The following OR9Q1 variants were observed in gnomAD, a reference collection of about 807,000 sequenced individuals.
The protein encoded by OR9Q1 is olfactory receptor family 9 subfamily Q member 1.
For synonymous variants in OR9Q1, 153 were observed against 148.6 expected (o/e 1.03, Z -0.22); for missense variants, 374 against 378.8 (o/e 0.99, Z 0.11).
chr11:58,098,215 A>C (rs1372628076), intron 2 of OR9Q1, among the ~76,000 whole-genome samples: 1 of 152,074 alleles, frequency 6.6e-6, no homozygotes, highest in Non-Finnish European at 1.5e-5. Flanking sequence ...CGTCGTGGGG[A>C]TGGAGTGGGA....
chr11:58,117,058 TTGG>T (rs1476850809), intron 2 of OR9Q1: 1 of 152,198 alleles, frequency 6.6e-6, no homozygotes, highest in Non-Finnish European at 1.5e-5. Flanking sequence ...TCATCATTGG[TTGG>T]TGATCTATTT....
intron 2 of OR9Q1, among the ~76,000 whole-genome samples, chr11:58,101,880 G>A (rs1466265311): frequency 6.6e-6 from 1 of 152,218 alleles, no homozygotes; most frequent in Admixed American, 6.5e-5. Flanking sequence ...CCGAGTAGCT[G>A]GGATTACAGG....
At chr11:58,111,579 T>C (rs1283551881) in intron 2 of OR9Q1, among the ~76,000 whole-genome samples, 1 of 152,190 alleles carries the variant, frequency 6.6e-6, no homozygotes, top group Non-Finnish European at 1.5e-5. Flanking sequence ...AGCTGCTTTT[T>C]TGGAGTGGCC....
rs1295190058 is a variant in OR9Q1 at position 58,181,338 on chromosome 11, G to C, written c.*961G>C. On this transcript the variant is annotated 3_prime_UTR_variant, in exon 3 of 3. Transcript: ENST00000335397. ...ATTCCACATGGCGATAGGCAGGAGG[G>C]TGGTCCTCGCCTATCCTGGGTCCCT... The C allele has an allele frequency of 6.0e-6, 1 of 166,942 alleles. No individual in the cohort carries two copies. Among genetic ancestry groups the C allele is most frequent in the African/African-American group, 2.4e-5 (1 of 41,392 alleles). The allele number at this position is 166,942 out of a possible 1,614,324, so 10.3% of individuals were successfully genotyped here.
At chr11:58,124,009 C>A (rs1305302153) in intron 2 of OR9Q1, among the ~76,000 whole-genome samples, 2 of 152,100 alleles carry the variant, frequency 1.3e-5, no homozygotes, top group Non-Finnish European at 2.9e-5. Context: ...AATATAGTAA[C>A]GATTCTTGAA....
rs147024855 is a variant in OR9Q1 at position 58,177,907 on chromosome 11, C to T, written c.-14-1524C>T. On this transcript the variant is annotated intron_variant, in intron 2 of 2. Coordinates refer to ENST00000335397, the MANE Select transcript of OR9Q1 (RefSeq NM_001005212.4). Reference sequence around the variant, plus strand: ...GGAGAGAACTTTCCTGTAGAAAGTGCGATCTGGGTTGAGGTTTGAAGGTAG... The same window carrying T: ...GGAGAGAACTTTCCTGTAGAAAGTGTGATCTGGGTTGAGGTTTGAAGGTAG... Among the ~76,000 whole-genome samples, 21 of 152,192 alleles carry T rather than the reference C, an allele frequency of 1.4e-4. No homozygotes were observed. The East Asian group carries it at 2.7e-3, about 20-fold the overall frequency.
chr11:58,069,650 A>C (rs1322556769), intron 2 of OR9Q1, among the ~76,000 whole-genome samples: 1 of 152,072 alleles, frequency 6.6e-6, no homozygotes, highest in African/African-American at 2.4e-5. Flanking sequence ...GAAGCACGAG[A>C]ATTGCTTGAG....
At chr11:58,143,890 T>C (rs185313888) in intron 2 of OR9Q1, among the ~76,000 whole-genome samples, 4 of 152,180 alleles carry the variant, frequency 2.6e-5, no homozygotes, top group African/African-American at 9.6e-5. Context: ...AAAAACAATA[T>C]GTGCTTCGAA....
chr11:58,034,147 G>A (rs989591871), intron 1 of OR9Q1, among the ~76,000 whole-genome samples: 21 of 145,460 alleles, frequency 1.4e-4, no homozygotes, highest in Non-Finnish European at 2.4e-4. Context: ...GTGCGGTGGC[G>A]TGATCTCGGC....
chr11:58,165,424 C>G (rs1485638393), intron 2 of OR9Q1, among the ~76,000 whole-genome samples: 2 of 152,210 alleles, frequency 1.3e-5, no homozygotes, highest in African/African-American at 4.8e-5. Flanking sequence ...CAGTCTCTCC[C>G]ACATTCAGAG....
chr11:58,134,065 A>T (rs1391160852), intron 2 of OR9Q1, among the ~76,000 whole-genome samples: 1 of 152,176 alleles, frequency 6.6e-6, no homozygotes, highest in Non-Finnish European at 1.5e-5. Context: ...TCTCATTTAG[A>T]AGCTGATTGG....
In OR9Q1 at chr11:58,103,515, T is replaced by C. The variant is rs376478490; in HGVS notation, c.-15+47568T>C. On this transcript the variant is annotated intron_variant, in intron 2 of 2. Transcript: ENST00000335397. ...TTATTTTCCTGATTTTGTTGAATTA[T>C]ATATTTATATTTTCTTGTATCTCAC... is the stretch of plus-strand genomic sequence containing the variant. Among the ~76,000 whole-genome samples the C allele has an allele frequency of 4.1e-4, 62 of 152,330 alleles. 1 individual carries two copies. The South Asian group carries it at 0.011, about 26-fold the overall frequency.
At chr11:58,027,602 G>C (rs77778978) in intron 1 of OR9Q1, among the ~76,000 whole-genome samples, 2,279 of 152,240 alleles carry the variant, frequency 0.015, 47 homozygotes, top group Middle Eastern at 0.051. Context: ...AGGAAGAAGT[G>C]AGTCGTTTTC....
rs141999714 is a variant in OR9Q1, at chr11:58,085,994, T to A, written c.-15+30047T>A. 1.2e-3 allele frequency among the ~76,000 whole-genome samples: 183 copies of A among 151,976 alleles called. 7 individuals carry two copies. The highest frequency in any genetic ancestry group is 4.2e-3 in the African/African-American group (175 of 41,312). ...GCAGACTTGCTTGGCTACAGCTCTG[T>A]TTGGTCTTGAACCTGCTATTGAAAC... is the stretch of plus-strand genomic sequence containing the variant. On this transcript the variant is annotated intron_variant, in intron 2 of 2. Coordinates refer to ENST00000335397, the MANE Select transcript of OR9Q1 (RefSeq NM_001005212.4).
At chr11:58,096,472 G>T (rs1234027250) in intron 2 of OR9Q1, among the ~76,000 whole-genome samples, 1 of 151,980 alleles carries the variant, frequency 6.6e-6, no homozygotes, top group Non-Finnish European at 1.5e-5. Flanking sequence ...AAATCATGGA[G>T]TATGTTCTCT....
At chr11:58,129,501 G>A (rs955303483) in intron 2 of OR9Q1, among the ~76,000 whole-genome samples, 4 of 151,672 alleles carry the variant, frequency 2.6e-5, no homozygotes, top group Non-Finnish European at 2.9e-5. Flanking sequence ...TTTTTACTGC[G>A]GCCTATATGA....
chr11:58,139,910 A>T (rs1854228812), intron 2 of OR9Q1, among the ~76,000 whole-genome samples: 1 of 151,848 alleles, frequency 6.6e-6, no homozygotes, highest in African/African-American at 2.4e-5. Context: ...ACAGTGTAAA[A>T]GTGTTCCTAT....
chr11:58,084,798 A>G (rs1310023091), intron 2 of OR9Q1, among the ~76,000 whole-genome samples: 2 of 151,848 alleles, frequency 1.3e-5, no homozygotes, highest in Non-Finnish European at 1.5e-5. Context: ...ACCTCAAAAT[A>G]ATAAGAGCCA....
At chr11:58,138,285 C>T (rs1478331487) in intron 2 of OR9Q1, among the ~76,000 whole-genome samples, 1 of 152,174 alleles carries the variant, frequency 6.6e-6, no homozygotes, top group East Asian at 1.9e-4. Flanking sequence ...TGGGCAGGAG[C>T]GTCGTACTTC....
Sources: gnomAD v4.1 joint callset for allele counts (sites outside exome capture counted in the v4.1 genomes callset) on GRCh38, gnomAD v4.1.1 for gene constraint, MANE v1.5 for transcripts, NCBI Gene and HGNC (gene_info 2026-07-23, HGNC 2026-07-21) for gene names.